The following OTUD4 variants were observed in gnomAD, a reference collection of about 807,000 sequenced individuals.
The protein encoded by OTUD4 is OTU deubiquitinase 4.
A neutral mutation model predicts 130.4 loss-of-function variants in OTUD4; 24 were observed. That is an observed-to-expected ratio of 0.18 (90% confidence interval 0.13 to 0.26). The LOEUF (loss-of-function observed/expected upper bound fraction) is 0.26, where lower values mean the gene tolerates loss of function less well. Ranked by LOEUF, OTUD4 falls within the 10% of genes least tolerant of loss-of-function variation. OTUD4 has a pLI of 1.00. For missense variants in OTUD4, 1,031 were observed against 1,329.4 expected (o/e 0.78, Z 3.49); for synonymous variants, 420 against 472.5 (o/e 0.89, Z 1.44).
intron 3 of OTUD4, among the ~76,000 whole-genome samples, chr4:145,167,784 G>C (rs1751949226): frequency 1.3e-5 from 2 of 152,220 alleles, no homozygotes; most frequent in African/African-American, 2.4e-5. Context: ...CTTGAACCCA[G>C]GAAGCAGAGG....
intron 2 of OTUD4, 69 bp downstream of exon 2, chr4:145,174,592 G>T: frequency 1.2e-6 from 1 of 842,610 alleles, no homozygotes; most frequent in South Asian, 1.4e-5. Context: ...AATTCTACTA[G>T]AACACTTCTA....
In OTUD4 at chr4:145,138,607, G is replaced by A; in HGVS notation, c.2168C>T (p.Pro723Leu). 1 of 1,613,688 alleles carries A rather than the reference G, an allele frequency of 6.2e-7. No homozygotes were observed. Among genetic ancestry groups the A allele is most frequent in the Non-Finnish European group, 8.5e-7 (1 of 1,179,648 alleles). The change falls in exon 21 of 21, where the codon CCT becomes CTT. Residue 723 changes from proline (P) to leucine (L), a missense_variant. Physicochemically the swap from Pro to Leu is moderately conservative, Grantham distance 98. Transcript: ENST00000447906. ...GGCTGCCAGGTAGGCCTGGTGCAGA[G>A]GGTACAGGTAAGAATGTGGGGCCCA... is the stretch of plus-strand genomic sequence containing the variant. ...PMWAPHSYLY[P>L]LHQAYLAACR...
At chr4:145,138,934 G>A (rs958670307) in intron 20 of OTUD4, among the ~76,000 whole-genome samples, 1 of 152,214 alleles carries the variant, frequency 6.6e-6, no homozygotes, top group Admixed American at 6.5e-5. Flanking sequence ...AGCCAGACCT[G>A]CATTCACATT....
At chr4:145,156,043 C>A (rs200794023) in intron 7 of OTUD4, 47 bp from the exon 8 acceptor site, 1 of 1,437,676 alleles carries the variant, frequency 7.0e-7, no homozygotes, top group East Asian at 2.3e-5. Flanking sequence ...GGTATTTGCA[C>A]GTAATTACCT....
chr4:145,144,165 T>A (rs1368999269), intron 15 of OTUD4, 146 bp downstream of exon 15: 1 of 1,035,260 alleles, frequency 9.7e-7, no homozygotes, highest in African/African-American at 1.6e-5. Context: ...TTAGCTTGAG[T>A]CAATACTTCT....
intron 1 of OTUD4, among the ~76,000 whole-genome samples, chr4:145,175,892 A>G (rs1022757255): frequency 6.6e-6 from 1 of 150,952 alleles, no homozygotes; most frequent in Non-Finnish European, 1.5e-5. Context: ...CTAGCTCCCA[A>G]TTCTTTTTTC....
chr4:145,159,617 A>G lies in OTUD4; in HGVS notation c.515T>C (p.Leu172Pro), dbSNP rs1293116535. The change falls in exon 7 of 21, where the codon CTG (leucine) becomes CCG (proline). Residue 172 changes from leucine to proline, a missense_variant. Physicochemically the swap from Leu to Pro is moderately conservative, Grantham distance 98. Transcript: ENST00000447906. ...AMCQSLLYEL[L>P]YEKVFKTDVS... ...ATCAGTTTTAAATACCTTCTCATAC[A>G]GCAATTCATAAAGGAGAGCTGCAAT... 1.2e-6 allele frequency: 2 copies of G among 1,613,194 alleles called. No individual in the cohort carries two copies.
chr4:145,150,609 C>G lies in OTUD4; in HGVS notation c.1163G>C (p.Arg388Thr), dbSNP rs758924769. 5.0e-5 allele frequency: 80 copies of G among 1,613,710 alleles called. No homozygotes were observed. The highest frequency in any genetic ancestry group is 6.7e-5 in the Non-Finnish European group (79 of 1,179,636). Residue 388 changes from arginine (R) to threonine (T), a missense_variant, in exon 13 of 21, where the codon AGA (arginine) becomes ACA (threonine). Arg to Thr is a moderately conservative substitution (Grantham distance 71, BLOSUM62 -1). This residue lies in a region of OTUD4 where 900 missense variants were observed against 1,095.9 expected (regional missense o/e 0.82). Coordinates refer to ENST00000447906, the MANE Select transcript of OTUD4 (RefSeq NM_001366057.1). ...PPRLQHPSGVRQHAFSSHSSG... is the reference protein window; with the variant it reads ...PPRLQHPSGVTQHAFSSHSSG... ...AGAATGACTAGAGAACGCATGTTGT[C>G]TTACTCCTGAAGGATGCTGCAGTCG...
In OTUD4 at chr4:145,162,718, A is replaced by T. The variant is rs1365230505; in HGVS notation, c.418T>A (p.Leu140Ile). Reference sequence around the variant, plus strand: ...TGATTTCCATTTGAAAAACACAGTAACACCTGAAAGGGAAAAATAAAAGAA... The same window carrying T: ...TGATTTCCATTTGAAAAACACAGTATCACCTGAAAGGGAAAAATAAAAGAA... ...VTENNFPEKV[L>I]LCFSNGNHYD... is the part of the protein sequence containing the mutation. The change falls in exon 6 of 21, where the codon TTA becomes ATA. Residue 140 changes from leucine (L) to isoleucine (I), a missense_variant. Leu to Ile is a conservative substitution (Grantham distance 5). Around this residue, in one of 3 missense-constraint regions of OTUD4, gnomAD observed 77 missense variants for 172.9 expected, o/e 0.45. Coordinates refer to ENST00000447906, the MANE Select transcript of OTUD4 (RefSeq NM_001366057.1). 1 of 1,514,252 alleles carries T rather than the reference A, an allele frequency of 6.6e-7. No individual in the cohort carries two copies. Among genetic ancestry groups the T allele is most frequent in the Non-Finnish European group, 9.1e-7 (1 of 1,104,036 alleles). 93.8% of individuals were successfully genotyped at this position (1,514,252 alleles called of 1,614,324 possible).
In OTUD4 at chr4:145,134,192, T is replaced by G. The variant is rs1300207411; in HGVS notation, c.*3238A>C. On this transcript the variant is annotated 3_prime_UTR_variant, in exon 21 of 21. Coordinates refer to ENST00000447906, the MANE Select transcript of OTUD4 (RefSeq NM_001366057.1). ...CATTAGTAGCAAAACCTTAGTTATC[T>G]GAAAATAACATATTGGAAATGAGAC... 6.5e-6 allele frequency: 1 copy of G among 152,678 alleles called. No homozygotes were observed. The highest frequency in any genetic ancestry group is 1.5e-5 in the Non-Finnish European group (1 of 68,064). The allele number at this position is 152,678 out of a possible 1,614,324, so 9.5% of individuals were successfully genotyped here. A position where few individuals can be genotyped will look rare whatever the true frequency, so the allele number is the denominator to read the frequency against.
intron 3 of OTUD4, among the ~76,000 whole-genome samples, chr4:145,169,128 G>A (rs748828627): frequency 6.6e-6 from 1 of 152,152 alleles, no homozygotes; most frequent in Admixed American, 6.5e-5. Context: ...AGGTCCCAGG[G>A]GATAGGCGGA....
chr4:145,179,644 G>A, intron 1 of OTUD4, 171 bp downstream of exon 1: 1 of 1,399,876 alleles, frequency 7.1e-7, no homozygotes, highest in East Asian at 2.9e-5. Flanking sequence ...GCACCTTTCA[G>A]ACGCAAAGCA....
At chr4:145,167,629 G>A (rs1236135028) in intron 3 of OTUD4, among the ~76,000 whole-genome samples, 3 of 152,162 alleles carry the variant, frequency 2.0e-5, no homozygotes, top group African/African-American at 7.2e-5. Flanking sequence ...GGCCAAGGAG[G>A]GTGGATTACC....
At chr4:145,165,047 A>C (rs182676576) in intron 4 of OTUD4, 104 bp downstream of exon 4, 1 of 578,012 alleles carries the variant, frequency 1.7e-6, no homozygotes, top group East Asian at 3.0e-5. Context: ...GATACTTCAT[A>C]ACTAAAGTAT....
chr4:145,152,560 C>T lies in OTUD4; in HGVS notation c.949G>A (p.Val317Ile), dbSNP rs777845443. 6.2e-7 allele frequency: 1 copy of T among 1,603,604 alleles called. No homozygotes were observed. Among genetic ancestry groups the T allele is most frequent in the East Asian group, 2.2e-5 (1 of 44,818 alleles). Residue 317 changes from valine (V) to isoleucine (I), a missense_variant, in exon 11 of 21, where the codon GTT becomes ATT. Around this residue, in one of 3 missense-constraint regions of OTUD4, gnomAD observed 900 missense variants for 1,095.9 expected, o/e 0.82. Coordinates refer to ENST00000447906, the MANE Select transcript of OTUD4 (RefSeq NM_001366057.1). ...GIHSENGPVL[V>I]EELGKKHTSK... ...ACATACTTCTTTCCCAGTTCTTCAA[C>T]CAAAACTGGTCCATTCTCAGAATGA...
chr4:145,162,528 G>C (rs1751628522), intron 6 of OTUD4, 112 bp downstream of exon 6: 2 of 541,154 alleles, frequency 3.7e-6, no homozygotes, highest in Non-Finnish European at 6.5e-6. Context: ...CTCCAGCCTG[G>C]GAGACAGAGC....
chr4:145,175,495 C>G (rs1398013717), intron 1 of OTUD4, among the ~76,000 whole-genome samples: 1 of 152,154 alleles, frequency 6.6e-6, no homozygotes, highest in East Asian at 1.9e-4. Context: ...AGATAACTTA[C>G]TGGCATGTGG....
At chr4:145,141,243 C>A (rs974623809) in intron 19 of OTUD4, 136 bp downstream of exon 19, 2 of 467,990 alleles carry the variant, frequency 4.3e-6, no homozygotes, top group Non-Finnish European at 7.3e-6. Flanking sequence ...TGACTAATAG[C>A]TAAAACTTTG....
At chr4:145,164,937 C>G (rs957917030) in intron 4 of OTUD4, among the ~76,000 whole-genome samples, 2 of 152,038 alleles carry the variant, frequency 1.3e-5, no homozygotes, top group African/African-American at 4.8e-5. Flanking sequence ...GGAAAAATTT[C>G]TGTACCCTTT....
Sources: gnomAD v4.1 joint callset for allele counts (sites outside exome capture counted in the v4.1 genomes callset) on GRCh38, gnomAD v4.1.1 for gene constraint, gnomAD v4.1.1 regional missense constraint, MANE v1.5 for transcripts, NCBI Gene and HGNC (gene_info 2026-07-23, HGNC 2026-07-21) for gene names.